The following PCTP variants were observed in gnomAD, a reference collection of about 807,000 sequenced individuals.
PCTP encodes phosphatidylcholine transfer protein, also known as START domain-containing protein 2.
Under a neutral mutation model 31.0 loss-of-function variants are expected in PCTP, and 27 were observed. The ratio of observed to expected loss-of-function variants is 0.87; its 90% CI spans 0.64 to 1.20. The LOEUF (loss-of-function observed/expected upper bound fraction) is 1.20. Among genes scored for constraint, PCTP ranks in the 50% most tolerant of loss-of-function variants. The pLI, the probability that PCTP is intolerant of heterozygous loss-of-function variation, is 0.00. For synonymous variants in PCTP, 108 were observed against 101.2 expected (o/e 1.07, Z -0.40); for missense variants, 287 against 268.2 (o/e 1.07, Z -0.49).
chr17:55,759,569 G>A (rs996406728), intron 1 of PCTP, among the ~76,000 whole-genome samples: 1 of 152,180 alleles, frequency 6.6e-6, no homozygotes, highest in Non-Finnish European at 1.5e-5. Context: ...GACTTGGACA[G>A]CTTTTAGATA....
At chr17:55,775,285 T>TG in intron 5 of PCTP, 1 of 1,124,810 alleles carries the variant, frequency 8.9e-7, no homozygotes, top group South Asian at 4.5e-5. Context: ...TTGTTGCCCT[T>TG]TTTTTTTTTT....
chr17:55,782,521 G>C (rs1458271262), intron 2 of PCTP, among the ~76,000 whole-genome samples: 1 of 152,182 alleles, frequency 6.6e-6, no homozygotes, highest in African/African-American at 2.4e-5. Context: ...GATGAATATA[G>C]GCTCAGAGAG....
chr17:55,792,431 C>T (rs1912030319), intron 3 of PCTP, among the ~76,000 whole-genome samples: 1 of 151,816 alleles, frequency 6.6e-6, no homozygotes, highest in Non-Finnish European at 1.5e-5. Flanking sequence ...GAAGGATTCA[C>T]ACTACATCTT....
rs1911380201 is a variant in PCTP at position 55,777,167 on chromosome 17, G to T, written c.*1067G>T. On this transcript the variant is annotated 3_prime_UTR_variant, in exon 6 of 6. Transcript: ENST00000268896. ...TTCTCCTGAATTTTGGTAGGGTAAG[G>T]TATTTCTATGTCAAAGGCACAGCCT... The T allele has an allele frequency of 2.0e-6, 2 of 985,704 alleles. No homozygotes were observed. The highest frequency in any genetic ancestry group is 2.4e-6 in the Non-Finnish European group (2 of 829,830). The allele number at this position is 985,704 out of a possible 1,614,324, so 61.1% of individuals were successfully genotyped here. A position where few individuals can be genotyped will look rare whatever the true frequency, so the allele number is the denominator to read the frequency against.
chr17:55,808,219 A>G (rs1472109760), intron 3 of PCTP, among the ~76,000 whole-genome samples: 1 of 152,212 alleles, frequency 6.6e-6, no homozygotes, highest in Non-Finnish European at 1.5e-5. Context: ...GGGCCAAGTT[A>G]TTTGTAATCT....
In PCTP at chr17:55,775,367, A is replaced by T. The variant is rs575384066; in HGVS notation, c.579+508A>T. Reference sequence around the variant, plus strand: ...AGAGACTGCCCAGGAGCCTGGCATTATGGGGACCATCAGCCTGCTTTGCAC... The same window carrying T: ...AGAGACTGCCCAGGAGCCTGGCATTTTGGGGACCATCAGCCTGCTTTGCAC... On this transcript the variant is annotated intron_variant, in intron 5 of 5. Transcript: ENST00000268896. The T allele has an allele frequency of 1.8e-5, 22 of 1,231,878 alleles. No individual in the cohort carries two copies. The African/African-American group carries it at 3.0e-4, about 17-fold the overall frequency. 76.3% of individuals were successfully genotyped at this position (1,231,878 alleles called of 1,614,324 possible).
chr17:55,826,121 T>A (rs1400527550), downstream of PCTP, among the ~76,000 whole-genome samples: 1 of 152,212 alleles, frequency 6.6e-6, no homozygotes, highest in Non-Finnish European at 1.5e-5. Flanking sequence ...GTACCTGGTC[T>A]CATCATCTGA....
intron 5 of PCTP, among the ~76,000 whole-genome samples, chr17:55,834,359 C>G (rs1037854467): frequency 6.6e-6 from 1 of 151,994 alleles, no homozygotes; most frequent in Non-Finnish European, 1.5e-5. Context: ...TCTCCCTGCT[C>G]CACCCCCAAC....
chr17:55,774,965 C>T (rs775035203), intron 5 of PCTP, 106 bp downstream of exon 5: 13 of 1,204,618 alleles, frequency 1.1e-5, no homozygotes, highest in Non-Finnish European at 1.6e-5. Context: ...TTGTCTCAGG[C>T]GTAATGAGGC....
chr17:55,780,551 T>G (rs1208332546), downstream of PCTP, among the ~76,000 whole-genome samples: 1 of 152,270 alleles, frequency 6.6e-6, no homozygotes, highest in Non-Finnish European at 1.5e-5. Context: ...CTCTGCAGAC[T>G]GCTATAATTC....
intron 3 of PCTP, among the ~76,000 whole-genome samples, chr17:55,807,959 G>A (rs866234829): frequency 1.3e-5 from 2 of 152,204 alleles, no homozygotes; most frequent in African/African-American, 2.4e-5. Flanking sequence ...AGATATTAGC[G>A]ATAATGATAA....
chr17:55,811,049 C>T (rs1239226741), intron 3 of PCTP, among the ~76,000 whole-genome samples: 1 of 152,192 alleles, frequency 6.6e-6, no homozygotes, highest in African/African-American at 2.4e-5. Context: ...CCTTCTCTCC[C>T]TATTAATTAC....
chr17:55,790,306 C>T (rs1911910777), intron 3 of PCTP, among the ~76,000 whole-genome samples: 1 of 151,878 alleles, frequency 6.6e-6, no homozygotes, highest in Non-Finnish European at 1.5e-5. Context: ...CTGGCCAGGG[C>T]AATTAGGCAG....
intron 1 of PCTP, among the ~76,000 whole-genome samples, chr17:55,765,470 C>G (rs1032542328): frequency 2.6e-5 from 4 of 152,178 alleles, no homozygotes; most frequent in Non-Finnish European, 4.4e-5. Context: ...TCCCCAGGAT[C>G]TATCAGGAAT....
chr17:55,783,970 C>A (rs1287323855), intron 2 of PCTP, among the ~76,000 whole-genome samples: 1 of 152,194 alleles, frequency 6.6e-6, no homozygotes, highest in Non-Finnish European at 1.5e-5. Flanking sequence ...TCTTCCCATC[C>A]TATTCTGTTC....
chr17:55,778,625 G>A (rs531320454), downstream of PCTP, among the ~76,000 whole-genome samples: 23 of 152,084 alleles, frequency 1.5e-4, no homozygotes, highest in Non-Finnish European at 2.1e-4. Context: ...CGGGGTGGGC[G>A]GTTTCTAGAT....
intron 3 of PCTP, among the ~76,000 whole-genome samples, chr17:55,788,485 G>A (rs1385082565): frequency 6.6e-6 from 1 of 152,156 alleles, no homozygotes; most frequent in East Asian, 1.9e-4. Flanking sequence ...GGCTAACTCT[G>A]TGCCATGAAC....
intron 3 of PCTP, among the ~76,000 whole-genome samples, chr17:55,800,881 C>A (rs1474074158): frequency 6.6e-6 from 1 of 151,924 alleles, no homozygotes; most frequent in East Asian, 1.9e-4. Context: ...CAGTCTGGGC[C>A]CTCTGCTGCA....
intron 1 of PCTP, among the ~76,000 whole-genome samples, chr17:55,765,194 A>G (rs552488238): frequency 6.6e-6 from 1 of 152,378 alleles, no homozygotes; most frequent in African/African-American, 2.4e-5. Flanking sequence ...CTGTCTTGGA[A>G]TTGATAAAAC....
Sources: gnomAD v4.1 joint callset for allele counts (sites outside exome capture counted in the v4.1 genomes callset) on GRCh38, gnomAD v4.1.1 for gene constraint, MANE v1.5 for transcripts, NCBI Gene and HGNC (gene_info 2026-07-23, HGNC 2026-07-21) for gene names.